KANSL1L: variants seen among roughly 807,000 people sequenced by gnomAD.
KANSL1L encodes KAT8 regulatory NSL complex subunit 1-like protein.
Under a neutral mutation model 108.6 loss-of-function variants are expected in KANSL1L, and 25 were observed. That is an observed-to-expected ratio of 0.23 (90% CI 0.17 to 0.32). The LOEUF (loss-of-function observed/expected upper bound fraction) is 0.32, where lower values mean the gene tolerates loss of function less well. Among genes scored for constraint, KANSL1L ranks in the 10% least tolerant of loss-of-function variants. The pLI, the probability that KANSL1L is intolerant of heterozygous loss-of-function variation, is 1.00. For missense variants in KANSL1L, 1,137 were observed against 1,125.7 expected (o/e 1.01, Z -0.14); for synonymous variants, 405 against 395.1 (o/e 1.03, Z -0.30).
At chr2:210,112,679 T>G (rs955716946) in intron 3 of KANSL1L, among the ~76,000 whole-genome samples, 1 of 152,204 alleles carries the variant, frequency 6.6e-6, no homozygotes, top group African/African-American at 2.4e-5. Flanking sequence ...ATAATGATAT[T>G]TCAATACATA....
intron 6 of KANSL1L, among the ~76,000 whole-genome samples, chr2:210,056,471 C>A (rs961726194): frequency 4.6e-5 from 7 of 152,078 alleles, no homozygotes; most frequent in African/African-American, 1.7e-4. Flanking sequence ...GATTTATATG[C>A]CAGGCACTGA....
intron 6 of KANSL1L, among the ~76,000 whole-genome samples, chr2:210,050,693 GAAAAAAAA>G (rs1169870752): frequency 7.5e-5 from 4 of 53,456 alleles, no homozygotes; most frequent in African/African-American, 2.5e-4. Flanking sequence ...CATCTCTACA[GAAAAAAAA>G]AAAAAAAAAA....
intron 10 of KANSL1L, among the ~76,000 whole-genome samples, chr2:210,029,487 A>G (rs1010788153): frequency 1.3e-5 from 2 of 152,134 alleles, no homozygotes; most frequent in Non-Finnish European, 2.9e-5. Flanking sequence ...AAACAGGACA[A>G]GAACAAGAAA....
chr2:210,072,492 T>C (rs1370829536), intron 6 of KANSL1L, among the ~76,000 whole-genome samples: 1 of 152,196 alleles, frequency 6.6e-6, no homozygotes. Flanking sequence ...GGGACCAGTT[T>C]CATGTAAAGC....
At chr2:210,162,435 T>C (rs1386231415) in intron 1 of KANSL1L, among the ~76,000 whole-genome samples, 2 of 151,488 alleles carry the variant, frequency 1.3e-5, no homozygotes, top group Non-Finnish European at 2.9e-5. Flanking sequence ...GGAAGAAAGT[T>C]GAAGAAGAAA....
At chr2:210,171,978 C>G (rs1194748981), upstream of KANSL1L, 1 of 128,044 alleles carries the variant, frequency 7.8e-6, no homozygotes, top group Non-Finnish European at 1.6e-5. Context: ...TTGGATCCAA[C>G]TGGGTGGTTT....
At position 210,153,887 on chromosome 2, in the gene KANSL1L, T is replaced by C. The variant is rs2095318564; in HGVS notation, c.696A>G (p.Lys232=). Residue 232 remains lysine, a synonymous_variant, in exon 2 of 15, where the codon AAA becomes AAG. Transcript: ENST00000281772. ...ARLLHCVSKQ[K]ILLSQARRTQ... Reference sequence around the variant, plus strand: ...TTCTTCTAGCCTGGCTAAGTAAAATTTTCTGTTTGCTTACACAATGAAGTA... The same window carrying C: ...TTCTTCTAGCCTGGCTAAGTAAAATCTTCTGTTTGCTTACACAATGAAGTA... The C allele has an allele frequency of 6.2e-7, 1 of 1,612,176 alleles. No homozygotes were observed.
intron 8 of KANSL1L, among the ~76,000 whole-genome samples, chr2:210,038,607 T>A (rs1407892143): frequency 6.6e-6 from 1 of 152,026 alleles, no homozygotes; most frequent in Non-Finnish European, 1.5e-5. Flanking sequence ...AGACATTCAT[T>A]TTTAACATTT....
intron 13 of KANSL1L, 21 bp downstream of exon 13, chr2:210,025,083 G>A (rs754666202): frequency 1.4e-6 from 2 of 1,425,584 alleles, no homozygotes; most frequent in Non-Finnish European, 2.0e-6. Context: ...TATGGCTTGG[G>A]GTTTTAAATT....
At chr2:210,069,752 C>G (rs1365623185) in intron 6 of KANSL1L, among the ~76,000 whole-genome samples, 1 of 134,614 alleles carries the variant, frequency 7.4e-6, no homozygotes, top group Admixed American at 7.7e-5. Context: ...CTGCCAACAC[C>G]TTGATTTTAA....
intron 6 of KANSL1L, among the ~76,000 whole-genome samples, chr2:210,074,675 G>A (rs2094530276): frequency 6.6e-6 from 1 of 152,172 alleles, no homozygotes; most frequent in South Asian, 2.1e-4. Context: ...TTCAATGAAA[G>A]CTAATTTGTC....
At chr2:210,140,983 ATTAAT>A (rs1394523497) in intron 2 of KANSL1L, among the ~76,000 whole-genome samples, 1 of 152,116 alleles carries the variant, frequency 6.6e-6, no homozygotes, top group Non-Finnish European at 1.5e-5. Flanking sequence ...TGAAACGCTA[ATTAAT>A]TTATTTCTAA....
At chr2:210,038,056 A>G (rs528266550) in intron 8 of KANSL1L, among the ~76,000 whole-genome samples, 2 of 152,210 alleles carry the variant, frequency 1.3e-5, no homozygotes, top group Admixed American at 6.5e-5. Context: ...GTAGGTTTCC[A>G]TCCTTATATG....
upstream of KANSL1L, chr2:210,171,490 A>T (rs1373829610): frequency 6.5e-6 from 1 of 154,242 alleles, no homozygotes; most frequent in Admixed American, 6.5e-5. Context: ...GGTGGCGGGG[A>T]AACCCCGGCA....
chr2:210,048,873 T>C (rs1034605585), intron 6 of KANSL1L, among the ~76,000 whole-genome samples: 4 of 152,158 alleles, frequency 2.6e-5, no homozygotes, highest in Admixed American at 6.6e-5. Context: ...TCTAACCTAT[T>C]TTAAAACCCA....
intron 5 of KANSL1L, among the ~76,000 whole-genome samples, chr2:210,079,614 A>ATGTG (rs1559539492): frequency 2.5e-3 from 5 of 1,972 alleles, no homozygotes; most frequent in Admixed American, 0.027. Context: ...ATGTATGTGT[A>ATGTG]TATATATATA....
At chr2:210,151,050 C>T (rs1237332790) in intron 2 of KANSL1L, among the ~76,000 whole-genome samples, 1 of 151,958 alleles carries the variant, frequency 6.6e-6, no homozygotes, top group African/African-American at 2.4e-5. Context: ...AGTTTTACTC[C>T]CGTCACACAG....
intron 2 of KANSL1L, among the ~76,000 whole-genome samples, chr2:210,144,525 A>C (rs1207942016): frequency 6.6e-6 from 1 of 152,038 alleles, no homozygotes; most frequent in African/African-American, 2.4e-5. Context: ...CTCTGACTGG[A>C]TATTTTCAAA....
At chr2:210,136,372 G>T (rs1037713311) in intron 2 of KANSL1L, among the ~76,000 whole-genome samples, 2 of 152,040 alleles carry the variant, frequency 1.3e-5, no homozygotes, top group Non-Finnish European at 2.9e-5. Flanking sequence ...TGTATGGAAA[G>T]AATTTTCAAA....
Sources: allele counts gnomAD v4.1 joint callset (sites outside exome capture counted in the v4.1 genomes callset), GRCh38; gene constraint gnomAD v4.1.1; transcripts MANE v1.5; gene names NCBI Gene and HGNC (gene_info 2026-07-23, HGNC 2026-07-21).